CNTNAP4: variants seen among roughly 807,000 people sequenced by gnomAD.
The protein encoded by CNTNAP4 is contactin associated protein family member 4.
In CNTNAP4, 98 loss-of-function variants were observed where a neutral mutation model predicts 148.4. The observed-to-expected ratio is 0.66, with a 90% CI of 0.56 to 0.78. The LOEUF is 0.78. Ranked by LOEUF, CNTNAP4 falls within the 30% of genes least tolerant of loss-of-function variation. The pLI, the probability that CNTNAP4 is intolerant of heterozygous loss-of-function variation, is 0.00. For synonymous variants in CNTNAP4, 730 were observed against 565.1 expected (o/e 1.29, Z -4.14); for missense variants, 1,935 against 1,565.6 (o/e 1.24, Z -3.98).
In CNTNAP4 at chr16:76,448,856, C is replaced by A; in HGVS notation, c.832C>A (p.Gln278Lys). The change falls in exon 6 of 24, where the codon CAG (glutamine) becomes AAG (lysine). Residue 278 changes from glutamine (Q) to lysine (K), a missense_variant. Gln to Lys is a moderately conservative substitution (Grantham distance 53, BLOSUM62 1). Coordinates refer to ENST00000611870, the MANE Select transcript of CNTNAP4 (RefSeq NM_033401.5). ...DDQHWHSVLI[Q>K]RLGKQVNFTV... Reference sequence around the variant, plus strand: ...TCAGCATTGGCATTCAGTGCTCATCCAGCGTTTGGGCAAACAAGTCAACTT... The same window carrying A: ...TCAGCATTGGCATTCAGTGCTCATCAAGCGTTTGGGCAAACAAGTCAACTT... 2 of 1,613,386 alleles carry A rather than the reference C, an allele frequency of 1.2e-6. No homozygotes were observed. The highest frequency in any genetic ancestry group is 1.7e-6 in the Non-Finnish European group (2 of 1,179,648).
At position 76,407,109 on chromosome 16, in the gene CNTNAP4, G is replaced by A. The variant is rs553770202; in HGVS notation, c.391-20343G>A. ...AGTTGGTGACTTTAAGCTGAAGACA[G>A]TGCTCATTTACCATTCTGAAAATCC... On this transcript the variant is annotated intron_variant, in intron 3 of 23. Transcript: ENST00000611870. Among the ~76,000 whole-genome samples the A allele has an allele frequency of 7.9e-4, 121 of 152,242 alleles. 1 individual carries two copies. Among genetic ancestry groups the A allele is most frequent in the African/African-American group, 2.9e-3 (119 of 41,544 alleles).
intron 3 of CNTNAP4, among the ~76,000 whole-genome samples, chr16:76,390,207 A>C (rs529904952): frequency 8.0e-4 from 122 of 152,266 alleles, no homozygotes; most frequent in African/African-American, 2.9e-3. Flanking sequence ...TGGATGCTGG[A>C]CTTCAGCAAG....
intron 16 of CNTNAP4, 41 bp downstream of exon 16, chr16:76,521,351 T>C (rs773767151): frequency 1.5e-5 from 23 of 1,501,466 alleles, no homozygotes; most frequent in Non-Finnish European, 1.7e-5. Context: ...GATTCTATCA[T>C]TTAGTAGTAA....
Position 76,553,512 on chromosome 16 carries a change from G to A in CNTNAP4, c.3661+11G>A, listed in dbSNP as rs146547520. 16,672 of 1,584,604 alleles carry A rather than the reference G, an allele frequency of 0.011. 117 individuals are homozygous for A. The highest frequency in any genetic ancestry group is 0.013 in the Non-Finnish European group (15,016 of 1,157,948). On this transcript the variant is annotated intron_variant, in intron 22 of 23. Coordinates refer to ENST00000611870, the MANE Select transcript of CNTNAP4 (RefSeq NM_033401.5). ...CACACTCGTTTGCAGGTGACTTAGA[G>A]TTCTTCCTCTACTCAGTCACAGACG... is the stretch of plus-strand genomic sequence containing the variant.
At chr16:76,450,898 G>A (rs891069277) in intron 7 of CNTNAP4, among the ~76,000 whole-genome samples, 2 of 152,220 alleles carry the variant, frequency 1.3e-5, no homozygotes, top group East Asian at 3.9e-4. Flanking sequence ...GAATGGCCTG[G>A]CAGGGGAAGT....
intron 15 of CNTNAP4, among the ~76,000 whole-genome samples, chr16:76,517,882 GT>G (rs530975500): frequency 6.6e-6 from 1 of 150,634 alleles, no homozygotes; most frequent in African/African-American, 2.4e-5. Context: ...CCATAAGCCT[GT>G]TTTTTTTTAA....
chr16:76,399,473 A>G (rs1007237381), intron 3 of CNTNAP4, among the ~76,000 whole-genome samples: 7 of 152,188 alleles, frequency 4.6e-5, no homozygotes, highest in African/African-American at 7.2e-5. Flanking sequence ...TAGGGAACTG[A>G]ATTATAAGAA....
chr16:76,431,615 G>A (rs1288744213), intron 4 of CNTNAP4, among the ~76,000 whole-genome samples: 1 of 152,144 alleles, frequency 6.6e-6, no homozygotes, highest in Non-Finnish European at 1.5e-5. Flanking sequence ...GGAAGTGGAG[G>A]TTGCAGTGAA....
At chr16:76,529,335 A>G (rs2083874100) in intron 17 of CNTNAP4, among the ~76,000 whole-genome samples, 1 of 152,128 alleles carries the variant, frequency 6.6e-6, no homozygotes, top group South Asian at 2.1e-4. Flanking sequence ...TTAGGACCTA[A>G]TGCTAATCAG....
intron 10 of CNTNAP4, among the ~76,000 whole-genome samples, chr16:76,471,163 C>T (rs11647034): frequency 0.36 from 53,977 of 151,624 alleles, 10,353 homozygotes; most frequent in Non-Finnish European, 0.42. Flanking sequence ...CCTCTGTGGA[C>T]ATGCAGTGGG....
At chr16:76,370,415 G>C (rs945351632) in intron 3 of CNTNAP4, among the ~76,000 whole-genome samples, 1 of 152,106 alleles carries the variant, frequency 6.6e-6, no homozygotes, top group African/African-American at 2.4e-5. Flanking sequence ...GGAAGCAGTG[G>C]GTATCTTTTG....
Position 76,524,956 on chromosome 16 carries a change from G to A in CNTNAP4, c.2755+2699G>A, listed in dbSNP as rs114029521. On this transcript the variant is annotated intron_variant, in intron 17 of 23. Coordinates refer to ENST00000611870, the MANE Select transcript of CNTNAP4 (RefSeq NM_033401.5). ...ATGATTTAGTGTGGTGATACTAAGG[G>A]AAGGGCTCATAAAAAAGAAAAAAAA... Among the ~76,000 whole-genome samples the A allele has an allele frequency of 6.9e-3, 1,047 of 151,910 alleles. 10 individuals carry two copies. The highest frequency in any genetic ancestry group is 0.024 in the African/African-American group (990 of 41,440).
At chr16:76,467,297 G>C (rs1056793185) in intron 9 of CNTNAP4, 55 bp from the exon 10 acceptor site, 9 of 1,485,074 alleles carry the variant, frequency 6.1e-6, no homozygotes, top group Non-Finnish European at 8.4e-6. Flanking sequence ...AGTTATCTAT[G>C]ATCCTGAATT....
chr16:76,375,974 C>G lies in CNTNAP4; in HGVS notation c.390+20463C>G, dbSNP rs147215209. On this transcript the variant is annotated intron_variant, in intron 3 of 23. Transcript: ENST00000611870. ...CCTTGGGCAGTTGCTTTTACCTCCT[C>G]TGTAAAATAAGCGTAGCAATACTAT... Among the ~76,000 whole-genome samples the G allele has an allele frequency of 3.7e-3, 565 of 152,232 alleles. 3 individuals are homozygous for G. The highest frequency in any genetic ancestry group is 0.013 in the African/African-American group (537 of 41,532).
chr16:76,508,158 C>A, intron 15 of CNTNAP4, among the ~76,000 whole-genome samples: 1 of 97,140 alleles, frequency 1.0e-5, no homozygotes, highest in Admixed American at 1.0e-4. Context: ...AATAACAGTT[C>A]ATGAAATAAA....
At chr16:76,297,936 A>G (rs960844570) in intron 1 of CNTNAP4, among the ~76,000 whole-genome samples, 3 of 152,154 alleles carry the variant, frequency 2.0e-5, no homozygotes, top group Non-Finnish European at 4.4e-5. Flanking sequence ...TCTACTCTTT[A>G]TGTCAAACAT....
In CNTNAP4 at chr16:76,419,317, C is replaced by G. The variant is rs1393813216; in HGVS notation, c.391-8135C>G. On this transcript the variant is annotated intron_variant, in intron 3 of 23. Transcript: ENST00000611870. ...CAGTTGGGAGAGGTTCTGGCAAAGT[C>G]TTTTCTTCAGGAGAATAGCCCTTTG... 2.0e-5 allele frequency among the ~76,000 whole-genome samples: 3 copies of G among 151,950 alleles called. No homozygotes were observed. The East Asian group carries it at 5.8e-4, about 29-fold the overall frequency.
intron 2 of CNTNAP4, among the ~76,000 whole-genome samples, chr16:76,352,216 C>T (rs571726003): frequency 1.3e-5 from 2 of 152,242 alleles, no homozygotes; most frequent in Admixed American, 1.3e-4. Context: ...TTGATTAGTA[C>T]CAGACCCTAG....
intron 3 of CNTNAP4, among the ~76,000 whole-genome samples, chr16:76,386,160 T>A (rs2016497572): frequency 1.3e-5 from 2 of 152,100 alleles, no homozygotes; most frequent in Admixed American, 1.3e-4. Flanking sequence ...AAAATAAATC[T>A]TAGCTAGTAG....
Sources: gnomAD v4.1 joint callset for allele counts (sites outside exome capture counted in the v4.1 genomes callset) on GRCh38, gnomAD v4.1.1 for gene constraint, MANE v1.5 for transcripts, NCBI Gene and HGNC (gene_info 2026-07-23, HGNC 2026-07-21) for gene names.